UMAD1: variants seen among roughly 807,000 people sequenced by gnomAD.
UMAD1 encodes UBAP1-MVB12-associated (UMA) domain containing 1.
Under a neutral mutation model 6.1 loss-of-function variants are expected in UMAD1, and 8 were observed. That is an observed-to-expected ratio of 1.30 (90% CI 0.76 to 2.35). UMAD1 has a LOEUF of 2.35. Among genes scored for constraint, UMAD1 ranks in the 30% most tolerant of loss-of-function variants. The pLI is 0.00. For missense variants in UMAD1, 130 were observed against 78.4 expected, an observed-to-expected ratio of 1.66 and a Z score of -2.49; for synonymous variants, 56 against 31.4, an observed-to-expected ratio of 1.78 and a Z score of -2.61.
At chr7:7,654,630 C>T (rs1217629395) in intron 1 of UMAD1, among the ~76,000 whole-genome samples, 3 of 152,202 alleles carry the variant, frequency 2.0e-5, no homozygotes, top group East Asian at 1.9e-4. Context: ...GGGCTGGGTG[C>T]GGTGGCTCAT....
intron 2 of UMAD1, among the ~76,000 whole-genome samples, chr7:7,709,332 G>A (rs28912689): frequency 0.011 from 1,665 of 152,252 alleles, 32 homozygotes; most frequent in African/African-American, 0.036. Context: ...ATTGTGGGTC[G>A]TCATTAATTC....
intron 3 of UMAD1, among the ~76,000 whole-genome samples, chr7:7,818,204 A>T (rs1783170282): frequency 1.3e-5 from 2 of 152,048 alleles, no homozygotes; most frequent in African/African-American, 4.8e-5. Context: ...CATCATTTTA[A>T]CACCCTCTTA....
At chr7:7,724,701 A>G (rs1708175029) in intron 2 of UMAD1, among the ~76,000 whole-genome samples, 1 of 152,220 alleles carries the variant, frequency 6.6e-6, no homozygotes, top group Non-Finnish European at 1.5e-5. Context: ...GGTGACTGCA[A>G]TTGCAGCTGC....
At chr7:7,851,436 C>A (rs1246732644) in intron 3 of UMAD1, among the ~76,000 whole-genome samples, 3 of 152,230 alleles carry the variant, frequency 2.0e-5, no homozygotes, top group South Asian at 4.1e-4. Flanking sequence ...AGTAGAATTA[C>A]TGGGTCTTAT....
At chr7:7,872,042 C>T (rs1358674525) in intron 3 of UMAD1, among the ~76,000 whole-genome samples, 1 of 150,938 alleles carries the variant, frequency 6.6e-6, no homozygotes, top group African/African-American at 2.4e-5. Flanking sequence ...AGGAGGGGGC[C>T]TTCATGTCCC....
chr7:7,716,786 G>A (rs565767323), intron 2 of UMAD1, among the ~76,000 whole-genome samples: 1 of 152,134 alleles, frequency 6.6e-6, no homozygotes, highest in African/African-American at 2.4e-5. Context: ...TCTACTAAAA[G>A]CACAAAAAAA....
At chr7:7,730,480 G>A (rs11978146) in intron 2 of UMAD1, among the ~76,000 whole-genome samples, 6 of 151,776 alleles carry the variant, frequency 4.0e-5, no homozygotes, top group South Asian at 2.1e-4. Flanking sequence ...TCCAGTTCTC[G>A]TCCTTTTTCT....
At chr7:7,840,936 G>A (rs1180944075) in intron 3 of UMAD1, among the ~76,000 whole-genome samples, 2 of 152,162 alleles carry the variant, frequency 1.3e-5, no homozygotes, top group East Asian at 3.9e-4. Context: ...TCAGAAGCCA[G>A]CAGGTTAGGA....
At chr7:7,688,578 G>A (rs192222304) in intron 2 of UMAD1, among the ~76,000 whole-genome samples, 1 of 152,210 alleles carries the variant, frequency 6.6e-6, no homozygotes, top group South Asian at 2.1e-4. Context: ...CTGTCTCGAG[G>A]CTTCCTCAGT....
intron 1 of UMAD1, among the ~76,000 whole-genome samples, chr7:7,648,436 G>A (rs186682795): frequency 1.3e-3 from 205 of 152,204 alleles, no homozygotes; most frequent in Non-Finnish European, 2.7e-3. Context: ...GCATATAGCT[G>A]GCGATTCATT....
chr7:7,795,923 A>G (rs1251634121), intron 2 of UMAD1, among the ~76,000 whole-genome samples: 2 of 152,068 alleles, frequency 1.3e-5, no homozygotes, highest in Non-Finnish European at 2.9e-5. Context: ...CCATCCTGTG[A>G]CTAAGAATGT....
At chr7:7,660,438 A>G (rs933491779) in intron 1 of UMAD1, among the ~76,000 whole-genome samples, 6 of 152,122 alleles carry the variant, frequency 3.9e-5, no homozygotes, top group Non-Finnish European at 5.9e-5. Context: ...AGTGGCTGGT[A>G]CCTGTTGTTC....
intron 2 of UMAD1, among the ~76,000 whole-genome samples, chr7:7,725,574 A>T (rs1273555740): frequency 6.6e-6 from 1 of 152,192 alleles, no homozygotes; most frequent in Non-Finnish European, 1.5e-5. Flanking sequence ...ACGTTTGACT[A>T]TGGATCATCA....
At chr7:7,719,939 A>G (rs955883806) in intron 2 of UMAD1, among the ~76,000 whole-genome samples, 10 of 152,238 alleles carry the variant, frequency 6.6e-5, no homozygotes, top group Non-Finnish European at 1.2e-4. Flanking sequence ...GGTCTTGAAC[A>G]TTAAAGGTGT....
At chr7:7,685,154 A>G (rs1267947738) in intron 2 of UMAD1, among the ~76,000 whole-genome samples, 1 of 152,178 alleles carries the variant, frequency 6.6e-6, no homozygotes, top group Non-Finnish European at 1.5e-5. Flanking sequence ...AGTAATTCAT[A>G]TAGGGTTGGA....
intron 3 of UMAD1, among the ~76,000 whole-genome samples, chr7:7,876,424 G>C (rs992766235): frequency 2.0e-5 from 3 of 152,146 alleles, no homozygotes; most frequent in Admixed American, 2.0e-4. Context: ...GTCAAGGGGG[G>C]AGTCATTTTT....
At chr7:7,690,019 A>G (rs575052531) in intron 2 of UMAD1, among the ~76,000 whole-genome samples, 9 of 152,276 alleles carry the variant, frequency 5.9e-5, no homozygotes, top group Non-Finnish European at 1.2e-4. Flanking sequence ...GATATATTCC[A>G]CATTGTAATT....
chr7:7,781,428 G>C (rs953057540), intron 2 of UMAD1, among the ~76,000 whole-genome samples: 1 of 151,674 alleles, frequency 6.6e-6, no homozygotes, highest in Admixed American at 6.6e-5. Flanking sequence ...AATCACTGGA[G>C]ATCTTATGAA....
intron 2 of UMAD1, among the ~76,000 whole-genome samples, chr7:7,799,458 A>T (rs1458351833): frequency 6.6e-6 from 1 of 152,140 alleles, no homozygotes; most frequent in Non-Finnish European, 1.5e-5. Flanking sequence ...TTGTGTAGAT[A>T]CACACCTCGA....
Sources: gnomAD v4.1 joint callset for allele counts (sites outside exome capture counted in the v4.1 genomes callset) on GRCh38, gnomAD v4.1.1 for gene constraint, MANE v1.5 for transcripts, NCBI Gene and HGNC (gene_info 2026-07-23, HGNC 2026-07-21) for gene names.